The following FBXL7 variants were observed in gnomAD, a reference collection of about 807,000 sequenced individuals.
FBXL7 encodes the protein F-box/LRR-repeat protein 7.
Under a neutral mutation model 38.3 loss-of-function variants are expected in FBXL7, and 12 were observed. The ratio of observed to expected loss-of-function variants is 0.31; its 90% CI spans 0.20 to 0.51. The LOEUF is 0.51. Ranked by LOEUF, FBXL7 falls within the 20% of genes least tolerant of loss-of-function variation. The pLI is 0.98. For synonymous variants in FBXL7, 297 were observed against 300.9 expected, an observed-to-expected ratio of 0.99 and a Z score of 0.13; for missense variants, 567 against 676.4, an observed-to-expected ratio of 0.84 and a Z score of 1.79.
chr5:15,934,034 T>A (rs900737684), intron 3 of FBXL7, among the ~76,000 whole-genome samples: 1 of 152,212 alleles, frequency 6.6e-6, no homozygotes, highest in African/African-American at 2.4e-5. Context: ...AGATCAAGTC[T>A]TGCCCTGTCA....
At chr5:15,560,717 T>C (rs1738386221) in intron 1 of FBXL7, among the ~76,000 whole-genome samples, 1 of 152,192 alleles carries the variant, frequency 6.6e-6, no homozygotes, top group African/African-American at 2.4e-5. Flanking sequence ...TCTGTTCTTC[T>C]GCAATTTCAT....
chr5:15,814,486 C>T (rs1185182679), intron 2 of FBXL7, among the ~76,000 whole-genome samples: 3 of 151,670 alleles, frequency 2.0e-5, no homozygotes, highest in African/African-American at 7.3e-5. Flanking sequence ...AAATATGGGT[C>T]GATGGGTGCA....
chr5:15,935,175 C>T (rs1192819218), intron 3 of FBXL7: 4 of 534,628 alleles, frequency 7.5e-6, no homozygotes, highest in African/African-American at 5.8e-5. Flanking sequence ...CGTCAGAGAG[C>T]CCCGGGGTGC....
intron 2 of FBXL7, among the ~76,000 whole-genome samples, chr5:15,898,519 A>G (rs1168551149): frequency 2.0e-5 from 3 of 152,150 alleles, no homozygotes; most frequent in African/African-American, 7.2e-5. Context: ...AGAAATGAAG[A>G]GATTGTCTTG....
chr5:15,732,578 T>C (rs1201147625), intron 2 of FBXL7, among the ~76,000 whole-genome samples: 1 of 152,232 alleles, frequency 6.6e-6, no homozygotes, highest in Non-Finnish European at 1.5e-5. Flanking sequence ...GATGCATGTG[T>C]GATACCAGTT....
intron 2 of FBXL7, among the ~76,000 whole-genome samples, chr5:15,650,051 G>A (rs891607487): frequency 6.6e-6 from 1 of 152,170 alleles, no homozygotes; most frequent in Admixed American, 6.5e-5. Context: ...TCACTTCAGT[G>A]CACTGCCTTC....
At chr5:15,614,539 G>A (rs938803452) in intron 1 of FBXL7, among the ~76,000 whole-genome samples, 1 of 152,044 alleles carries the variant, frequency 6.6e-6, no homozygotes, top group African/African-American at 2.4e-5. Context: ...CAAAGTGCTG[G>A]GATTACAGGC....
At chr5:15,679,885 A>T (rs145580662) in intron 2 of FBXL7, among the ~76,000 whole-genome samples, 1 of 152,220 alleles carries the variant, frequency 6.6e-6, no homozygotes, top group South Asian at 2.1e-4. Flanking sequence ...AGACATGAGT[A>T]AAAAATAGAC....
At chr5:15,698,037 G>A (rs1743394249) in intron 2 of FBXL7, among the ~76,000 whole-genome samples, 1 of 152,180 alleles carries the variant, frequency 6.6e-6, no homozygotes, top group South Asian at 2.1e-4. Context: ...GTTGCAATGT[G>A]CAATTGAAAG....
chr5:15,906,512 A>AT (rs753638810), intron 2 of FBXL7, among the ~76,000 whole-genome samples: 2 of 146,128 alleles, frequency 1.4e-5, no homozygotes. Context: ...ATCCACAAAA[A>AT]ATTTTTTTTT....
intron 2 of FBXL7, among the ~76,000 whole-genome samples, chr5:15,911,844 AGGG>A (rs1190249158): frequency 1.7e-3 from 4 of 2,390 alleles, no homozygotes; most frequent in Non-Finnish European, 3.7e-3. Flanking sequence ...CTCGGGGGTC[AGGG>A]GTCAGGGACC....
intron 1 of FBXL7, among the ~76,000 whole-genome samples, chr5:15,544,921 G>C (rs988533720): frequency 2.6e-5 from 4 of 152,124 alleles, no homozygotes; most frequent in Non-Finnish European, 4.4e-5. Context: ...ATCTCCTTTA[G>C]CATACCAAGG....
intron 2 of FBXL7, among the ~76,000 whole-genome samples, chr5:15,738,843 G>A (rs894244295): frequency 6.6e-6 from 1 of 152,074 alleles, no homozygotes; most frequent in Non-Finnish European, 1.5e-5. Flanking sequence ...ACAATGCTCT[G>A]TTCAGATCTA....
rs187740526 is a variant in FBXL7 at position 15,584,889 on chromosome 5, G to T, written c.38-31094G>T. 3.3e-3 allele frequency among the ~76,000 whole-genome samples: 504 copies of T among 152,252 alleles called. 5 individuals are homozygous for T. The highest frequency in any genetic ancestry group is 0.011 in the African/African-American group (455 of 41,538). On this transcript the variant is annotated intron_variant, in intron 1 of 3. Transcript: ENST00000504595. The stretch of plus-strand genomic sequence containing the variant: ...ACAGTCATGGTGGAAGGGTAAGCAG[G>T]CATGTCTTACATGGCAGCAGGCAGG...
rs138688781 is a variant in FBXL7, at chr5:15,587,012, T to C, written c.38-28971T>C. Among the ~76,000 whole-genome samples, 26 of 152,308 alleles carry C rather than the reference T, an allele frequency of 1.7e-4. No homozygotes were observed. The East Asian group carries it at 4.8e-3, about 28-fold the overall frequency. On this transcript the variant is annotated intron_variant, in intron 1 of 3. Transcript: ENST00000504595. ...AAGCCACCATCATCTCCCACTGCAA[T>C]GGCTTCTTTCACCTCCCTGATATTT...
intron 1 of FBXL7, among the ~76,000 whole-genome samples, chr5:15,561,379 G>A (rs1364716920): frequency 2.0e-5 from 3 of 152,110 alleles, no homozygotes; most frequent in Non-Finnish European, 4.4e-5. Flanking sequence ...CATACATGTT[G>A]TTGCAAATGT....
intron 2 of FBXL7, among the ~76,000 whole-genome samples, chr5:15,869,849 C>A (rs1739877276): frequency 6.6e-6 from 1 of 152,106 alleles, no homozygotes; most frequent in South Asian, 2.1e-4. Context: ...GTGGCTCACA[C>A]CTGTAATCCC....
rs139112980 is a variant in FBXL7 at position 15,730,688 on chromosome 5, T to C, written c.127+114616T>C. 6.5e-3 allele frequency among the ~76,000 whole-genome samples: 983 copies of C among 152,334 alleles called. 4 individuals are homozygous for C. The highest frequency in any genetic ancestry group is 0.024 in the Middle Eastern group (7 of 294). Reference sequence around the variant, plus strand: ...GAAACCATGCATCCTACTATGAATGTATGTTTTGTTCTATTTTGGAGAAGC... The same window carrying C: ...GAAACCATGCATCCTACTATGAATGCATGTTTTGTTCTATTTTGGAGAAGC... On this transcript the variant is annotated intron_variant, in intron 2 of 3. Transcript: ENST00000504595.
At chr5:15,515,436 C>T (rs1475295101) in intron 1 of FBXL7, among the ~76,000 whole-genome samples, 3 of 152,166 alleles carry the variant, frequency 2.0e-5, no homozygotes. Flanking sequence ...TGCTATAACT[C>T]AGAATTGACT....
Sources: allele counts gnomAD v4.1 joint callset (sites outside exome capture counted in the v4.1 genomes callset), GRCh38; gene constraint gnomAD v4.1.1; transcripts MANE v1.5; gene names NCBI Gene and HGNC (gene_info 2026-07-23, HGNC 2026-07-21).